CUL7: variants seen among roughly 807,000 people sequenced by gnomAD.
CUL7 encodes cullin 7, also known as cullin-7.
Under a neutral mutation model 177.7 loss-of-function variants are expected in CUL7, and 96 were observed. The observed-to-expected ratio is 0.54, with a 90% confidence interval of 0.46 to 0.64. CUL7 has a LOEUF of 0.64. Among genes scored for constraint, CUL7 ranks in the 30% least tolerant of loss-of-function variants. The pLI is 0.00. For missense variants in CUL7, 1,893 were observed against 2,187.9 expected (o/e 0.87, Z 2.69); for synonymous variants, 824 against 890.2 (o/e 0.93, Z 1.32).
chr6:43,038,572 G>A lies in CUL7; in HGVS notation c.4561C>T (p.Pro1521Ser), dbSNP rs779937929. The A allele has an allele frequency of 1.9e-6, 3 of 1,614,072 alleles. No homozygotes were observed. The highest frequency in any genetic ancestry group is 2.5e-6 in the Non-Finnish European group (3 of 1,179,980). ...PLDLHEQKDIPGGVLKIRDGS... is the reference protein window; with the variant it reads ...PLDLHEQKDISGGVLKIRDGS... ...TCTGGCCCTAAGTGCATACCTCCTGGTATATCCTTTTGCTCGTGAAGGTCC... is the reference window on the plus strand; with the variant it reads ...TCTGGCCCTAAGTGCATACCTCCTGATATATCCTTTTGCTCGTGAAGGTCC... The change falls in exon 24 of 26, where the codon CCA becomes TCA. Residue 1521 changes from proline (P) to serine (S), a missense_variant. By Grantham distance (74) the Pro-to-Ser change is moderately conservative. Around this residue, in one of 5 missense-constraint regions of CUL7, gnomAD observed 248 missense variants for 262.5 expected, o/e 0.94. Coordinates refer to ENST00000265348, the MANE Select transcript of CUL7 (RefSeq NM_014780.5).
intron 7 of CUL7, 97 bp from the exon 8 acceptor site, chr6:43,048,666 C>T (rs1319988993): frequency 1.8e-5 from 16 of 897,940 alleles, no homozygotes; most frequent in Middle Eastern, 2.3e-4. Flanking sequence ...CTAATTTCTC[C>T]TAAAAAATGT....
chr6:43,049,883 T>C, intron 6 of CUL7, 80 bp downstream of exon 6: 1 of 1,461,960 alleles, frequency 6.8e-7, no homozygotes, highest in Non-Finnish European at 9.6e-7. Flanking sequence ...CTTTTCATCC[T>C]GAGCCTTCCA....
At chr6:43,046,788 TC>T in intron 10 of CUL7, 91 bp downstream of exon 10, 1 of 1,226,562 alleles carries the variant, frequency 8.2e-7, no homozygotes, top group South Asian at 1.2e-5. Context: ...CACCTGCTGT[TC>T]CCAGCCATGG....
rs1272959552 is a variant in CUL7, at chr6:43,044,743, G to C, written c.3172+9C>G. ...AGATAGTAATGGGTCCAGATGTCAG[G>C]ATGGTTACCAGGGGAGGTGATGTTC... On this transcript the variant is annotated intron_variant, in intron 16 of 25. Transcript: ENST00000265348. 3.1e-6 allele frequency: 5 copies of C among 1,607,868 alleles called. No homozygotes were observed. The highest frequency in any genetic ancestry group is 2.2e-5 in the East Asian group (1 of 44,650).
At chr6:43,047,145 G>A (rs750134332) in intron 9 of CUL7, 38 bp from the exon 10 acceptor site, 1 of 1,250,506 alleles carries the variant, frequency 8.0e-7, no homozygotes, top group Admixed American at 1.7e-5. Flanking sequence ...AATGAAGACA[G>A]GGCGAGGGCC....
rs1393952964 is a variant in CUL7 at position 43,053,048 on chromosome 6, G to C, written c.-8-252C>G. Among the ~76,000 whole-genome samples the C allele has an allele frequency of 6.6e-6, 1 of 152,198 alleles. No individual in the cohort carries two copies. The highest frequency in any genetic ancestry group is 1.5e-5 in the Non-Finnish European group (1 of 68,040). On this transcript the variant is annotated intron_variant, in intron 1 of 25. Transcript: ENST00000265348. The surrounding 1 kb of genome is among the most constrained non-coding windows in gnomAD (Gnocchi z 4.1). ...CCCCAAGACCCTGTGGCCTGGAGTG[G>C]GTTGATATGGAACAGTGGGCGGACT... is the stretch of plus-strand genomic sequence containing the variant.
In CUL7 at chr6:43,053,732, A is replaced by G. The variant is rs1764669256; in HGVS notation, c.-119T>C. 1 of 1,472,730 alleles carries G rather than the reference A, an allele frequency of 6.8e-7. No homozygotes were observed. Among genetic ancestry groups the G allele is most frequent in the Non-Finnish European group, 9.0e-7 (1 of 1,114,614 alleles). 91.2% of individuals were successfully genotyped at this position (1,472,730 alleles called of 1,614,324 possible). On this transcript the variant is annotated 5_prime_UTR_variant, in exon 1 of 26. Transcript: ENST00000265348. The surrounding 1 kb of genome is among the most constrained non-coding windows in gnomAD (Gnocchi z 4.1). ...CCACCTGGGCCCCGCGAGGGGGTCG[A>G]GACGGAGAGACGGGAGGGGGCGTGC...
At position 43,043,043 on chromosome 6, in the gene CUL7, C is replaced by T. The variant is rs1284188454; in HGVS notation, c.3462+31G>A. 1 of 1,612,156 alleles carries T rather than the reference C, an allele frequency of 6.2e-7. No individual in the cohort carries two copies. Among genetic ancestry groups the T allele is most frequent in the Non-Finnish European group, 8.5e-7 (1 of 1,178,332 alleles). On this transcript the variant is annotated intron_variant, in intron 18 of 25. Coordinates refer to ENST00000265348, the MANE Select transcript of CUL7 (RefSeq NM_014780.5). The surrounding 1 kb of genome is among the most constrained non-coding windows in gnomAD (Gnocchi z 4.2). The stretch of plus-strand genomic sequence containing the variant: ...CCCAACATGCCACCATTATGGTGTC[C>T]CCTCTCTCCCGCAGGCCTGCTCCTG...
intron 19 of CUL7, among the ~76,000 whole-genome samples, chr6:43,041,799 T>G (rs1458721365): frequency 6.7e-6 from 1 of 149,086 alleles, no homozygotes; most frequent in African/African-American, 2.5e-5. Context: ...AGGTCAGGAG[T>G]TCGAGACCAG....
At chr6:43,044,691 G>C in intron 16 of CUL7, 61 bp downstream of exon 16, 1 of 1,575,204 alleles carries the variant, frequency 6.3e-7, no homozygotes, top group Non-Finnish European at 8.7e-7. Flanking sequence ...AGAGCAAGAA[G>C]GAACTAATTA....
At position 43,045,888 on chromosome 6, in the gene CUL7, C is replaced by T. The variant is rs1306191372; in HGVS notation, c.2766+98G>A. ...ACACTACTTTCTGTGGGGCTCAAGA[C>T]AGGTGGGAGTTAGAAAAAAGTAGGA... On this transcript the variant is annotated intron_variant, in intron 13 of 25. Coordinates refer to ENST00000265348, the MANE Select transcript of CUL7 (RefSeq NM_014780.5). This position sits in a 1 kb window ranked among gnomAD's most constrained non-coding sequence, Gnocchi z 4.8. 8.8e-7 allele frequency: 1 copy of T among 1,134,394 alleles called. No homozygotes were observed. The highest frequency in any genetic ancestry group is 1.3e-6 in the Non-Finnish European group (1 of 761,450). The allele number at this position is 1,134,394 out of a possible 1,614,324, so 70.3% of individuals were successfully genotyped here.
Position 43,044,686 on chromosome 6 carries a change from A to G in CUL7, c.3172+66T>C, listed in dbSNP as rs1763735991. 3 of 1,571,098 alleles carry G rather than the reference A, an allele frequency of 1.9e-6. No individual in the cohort carries two copies. In the East Asian group the frequency reaches 6.8e-5, roughly 36 times the overall value. On this transcript the variant is annotated intron_variant, in intron 16 of 25. Coordinates refer to ENST00000265348, the MANE Select transcript of CUL7 (RefSeq NM_014780.5). Reference sequence around the variant, plus strand: ...AATCCAGGTGGTTCTAGGGTAGAGCAAGAAGGAACTAATTAGTGGAACCAA... The same window carrying G: ...AATCCAGGTGGTTCTAGGGTAGAGCGAGAAGGAACTAATTAGTGGAACCAA...
rs1309927795 is a variant in CUL7 at position 43,040,633 on chromosome 6, C to A, written c.3920G>T (p.Ser1307Ile). Residue 1307 changes from serine (S) to isoleucine (I), a missense_variant, in exon 21 of 26, where the codon AGC (serine) becomes ATC (isoleucine). By Grantham distance (142) the Ser-to-Ile change is moderately radical. Around this residue, in one of 5 missense-constraint regions of CUL7, gnomAD observed 973 missense variants for 1,140.9 expected, o/e 0.85. Transcript: ENST00000265348. This position sits in a 1 kb window ranked among gnomAD's most constrained non-coding sequence, Gnocchi z 4.2. ...PNRLPQQMLQ[S>I]LSTSKELQRQ... ...CTGCAGCTCCTTAGAGGTGCTCAGGCTCTGCAACATCTGCTGGGGGAGGCG... is the reference window on the plus strand; with the variant it reads ...CTGCAGCTCCTTAGAGGTGCTCAGGATCTGCAACATCTGCTGGGGGAGGCG... The A allele has an allele frequency of 1.9e-6, 3 of 1,614,238 alleles. No individual in the cohort carries two copies. The highest frequency in any genetic ancestry group is 2.5e-6 in the Non-Finnish European group (3 of 1,180,050).
chr6:43,047,352 G>T (rs1021338516), intron 9 of CUL7, among the ~76,000 whole-genome samples: 21 of 152,158 alleles, frequency 1.4e-4, no homozygotes, highest in African/African-American at 5.1e-4. Context: ...GTTCTAGGCT[G>T]CTGATTATGT....
In CUL7 at chr6:43,048,632, A is replaced by C; in HGVS notation, c.1826-63T>G. On this transcript the variant is annotated intron_variant, in intron 7 of 25. Transcript: ENST00000265348. The stretch of plus-strand genomic sequence containing the variant: ...TAGTAATGTGAAGGCTCAGAAATAG[A>C]TTCATAACTCTCAATCTTTTTCTCT... 3 of 1,085,432 alleles carry C rather than the reference A, an allele frequency of 2.8e-6. No homozygotes were observed. The South Asian group carries it at 4.0e-5, about 14-fold the overall frequency. The allele number at this position is 1,085,432 out of a possible 1,614,324, so 67.2% of individuals were successfully genotyped here. A position where few individuals can be genotyped will look rare whatever the true frequency, so the allele number is the denominator to read the frequency against.
chr6:43,042,225 T>G (rs551447905), intron 19 of CUL7, among the ~76,000 whole-genome samples: 1 of 152,268 alleles, frequency 6.6e-6, no homozygotes, highest in South Asian at 2.1e-4. Flanking sequence ...GCAGTGTCAC[T>G]GATAAACTAG....
At position 43,047,066 on chromosome 6, in the gene CUL7, T is replaced by C. The variant is rs1763981630; in HGVS notation, c.2211A>G (p.Ser737=). 2.5e-6 allele frequency: 4 copies of C among 1,613,216 alleles called. No homozygotes were observed. The highest frequency in any genetic ancestry group is 2.5e-6 in the Non-Finnish European group (3 of 1,179,240). Reference sequence around the variant, plus strand: ...GCACCACGGCATAGTCCCTGCTCACTGAGGTCAGGCGGTGCAGGAAGAAAA... The same window carrying C: ...GCACCACGGCATAGTCCCTGCTCACCGAGGTCAGGCGGTGCAGGAAGAAAA... ...ELIFFLHRLT[S]VSRDYAVVLN... Residue 737 remains serine, a synonymous_variant, in exon 10 of 26, where the codon TCA becomes TCG. Coordinates refer to ENST00000265348, the MANE Select transcript of CUL7 (RefSeq NM_014780.5).
rs1764426188 is a variant in CUL7 at position 43,051,693 on chromosome 6, GC to G, written c.650del (p.Ser217ThrfsTer6). The G allele has an allele frequency of 6.2e-7, 1 of 1,614,160 alleles. No individual in the cohort carries two copies. The highest frequency in any genetic ancestry group is 1.1e-5 in the South Asian group (1 of 91,068). On this transcript the variant is annotated frameshift_variant, in exon 3 of 26. Transcript: ENST00000265348. LOFTEE classifies it high-confidence loss of function. This position sits in a 1 kb window ranked among gnomAD's most constrained non-coding sequence, Gnocchi z 5.0. Reference protein sequence around the residue: ...EAIEKHLDFDSRCALLALFAQ... With the variant: ...EAIEKHLDFDXRCALLALFAQ... Reference sequence around the variant, plus strand: ...CAAACAGTGCTAGCAGAGCACAGCGGCTGTCAAAATCCAGGTGTTTCTCAAT... The same window carrying G: ...CAAACAGTGCTAGCAGAGCACAGCGGTGTCAAAATCCAGGTGTTTCTCAAT...
Position 43,045,366 on chromosome 6 carries a change from G to C in CUL7, c.2899C>G (p.Leu967Val). 6.2e-7 allele frequency: 1 copy of C among 1,614,228 alleles called. No homozygotes were observed. The highest frequency in any genetic ancestry group is 8.5e-7 in the Non-Finnish European group (1 of 1,180,036). Residue 967 changes from leucine to valine, a missense_variant, in exon 15 of 26, where the codon CTA (leucine) becomes GTA (valine). By Grantham distance (32) the Leu-to-Val change is conservative. This residue lies in a region of CUL7 where 973 missense variants were observed against 1,140.9 expected (regional missense o/e 0.85). Transcript: ENST00000265348. The surrounding 1 kb of genome is among the most constrained non-coding windows in gnomAD (Gnocchi z 4.8). ...IDTRIRGLEILGPKPTFWPVF... is the reference protein window; with the variant it reads ...IDTRIRGLEIVGPKPTFWPVF... ...GGCCAGAACGTGGGCTTGGGGCCTA[G>C]GATCTCTAACCCCCGAATGCGCGTA... is the stretch of plus-strand genomic sequence containing the variant.
Sources: allele counts gnomAD v4.1 joint callset (sites outside exome capture counted in the v4.1 genomes callset), GRCh38; gene constraint gnomAD v4.1.1; regional missense constraint gnomAD v4.1.1; non-coding constraint Gnocchi (gnomAD v3.1); transcripts MANE v1.5; gene names NCBI Gene and HGNC (gene_info 2026-07-23, HGNC 2026-07-21).